Variants in IDI1 observed in about 807,000 individuals in gnomAD.
IDI1 encodes isopentenyl-diphosphate Delta-isomerase 1.
IDI1 carries 23 observed loss-of-function variants against 32.9 expected under a neutral mutation model. The ratio of observed to expected loss-of-function variants is 0.70; its 90% CI spans 0.50 to 0.99. The LOEUF is 0.99. Among genes scored for constraint, IDI1 ranks in the 50% least tolerant of loss-of-function variants. The pLI is 0.00. For missense variants in IDI1, 326 were observed against 351.9 expected, an observed-to-expected ratio of 0.93 and a Z score of 0.59; for synonymous variants, 133 against 128.2, an observed-to-expected ratio of 1.04 and a Z score of -0.25.
upstream of IDI1, among the ~76,000 whole-genome samples, chr10:1,049,387 G>A (rs1294021944): frequency 2.0e-5 from 3 of 152,068 alleles, no homozygotes; most frequent in African/African-American, 7.2e-5. Flanking sequence ...CGTCCCATGG[G>A]AGCGACCTCC....
At chr10:1,053,204 G>A (rs1432441201), upstream of IDI1, among the ~76,000 whole-genome samples, 1 of 152,206 alleles carries the variant, frequency 6.6e-6, no homozygotes, top group African/African-American at 2.4e-5. Flanking sequence ...GTTTCACCAT[G>A]TTGGCCAGGC....
the IDI1 span, among the ~76,000 whole-genome samples, chr10:1,055,004 C>G: frequency 6.6e-6 from 1 of 152,248 alleles, no homozygotes; most frequent in African/African-American, 2.4e-5. Context: ...CCCATCACAG[C>G]TCTCAGAAGG....
chr10:1,042,900 T>C (rs1832660951), intron 3 of IDI1, 138 bp from the exon 4 acceptor site: 1 of 710,794 alleles, frequency 1.4e-6, no homozygotes, highest in African/African-American at 1.9e-5. Context: ...CTATCAGTAA[T>C]TATTTTAAGG....
intron 4 of IDI1, among the ~76,000 whole-genome samples, chr10:1,041,717 G>A (rs1172541220): frequency 1.4e-5 from 2 of 146,896 alleles, no homozygotes; most frequent in African/African-American, 5.0e-5. Flanking sequence ...AAGTGTTTGC[G>A]TTTTTTTCCC....
At position 1,041,511 on chromosome 10, in the gene IDI1, C is replaced by T. The variant is rs1292764385; in HGVS notation, c.538-7G>A. The stretch of plus-strand genomic sequence containing the variant: ...TAATTTCTTCTGGAGGAACCTAAGA[C>T]ATTAAAAAAAAAAAAGTAATTAAAA... On this transcript the variant is annotated splice_region_variant and splice_polypyrimidine_tract_variant and intron_variant, in intron 4 of 4. Coordinates refer to ENST00000381344, the MANE Select transcript of IDI1 (RefSeq NM_004508.4). The T allele has an allele frequency of 2.9e-6, 4 of 1,401,560 alleles. No individual in the cohort carries two copies. Among genetic ancestry groups the T allele is most frequent in the Non-Finnish European group, 3.8e-6 (4 of 1,043,742 alleles). 86.8% of individuals were successfully genotyped at this position (1,401,560 alleles called of 1,614,324 possible).
Position 1,048,727 on chromosome 10 carries a change from C to G in IDI1, c.140+137G>C, listed in dbSNP as rs994700836. ...CCTCCAGTTCGGGAGACCAACGCCG[C>G]CACCCCCAGCTGTCCAGGCCTCCGC... On this transcript the variant is annotated intron_variant, in intron 1 of 4. Coordinates refer to ENST00000381344, the MANE Select transcript of IDI1 (RefSeq NM_004508.4). 6 of 1,432,284 alleles carry G rather than the reference C, an allele frequency of 4.2e-6. No homozygotes were observed. The African/African-American group carries it at 8.8e-5, about 21-fold the overall frequency. 88.7% of individuals were successfully genotyped at this position (1,432,284 alleles called of 1,614,324 possible). A position where few individuals can be genotyped will look rare whatever the true frequency, so the allele number is the denominator to read the frequency against.
chr10:1,045,839 C>A (rs926366893), intron 1 of IDI1, among the ~76,000 whole-genome samples: 3 of 150,902 alleles, frequency 2.0e-5, no homozygotes, highest in Non-Finnish European at 4.4e-5. Context: ...CTACTTAATA[C>A]AAAGTTCTAG....
upstream of IDI1, chr10:1,049,177 C>T: frequency 3.6e-6 from 4 of 1,108,418 alleles, no homozygotes; most frequent in Non-Finnish European, 4.8e-6. Context: ...ACCCCCAGTT[C>T]CGCAGAGGCA....
the IDI1 span, among the ~76,000 whole-genome samples, chr10:1,054,293 A>G: frequency 6.0e-4 from 91 of 152,238 alleles, 1 homozygote; most frequent in Non-Finnish European, 1.0e-3. Context: ...TGTGCCTGTT[A>G]CATGACATAT....
upstream of IDI1, among the ~76,000 whole-genome samples, chr10:1,054,090 G>C (rs1222489008): frequency 6.6e-6 from 1 of 152,172 alleles, no homozygotes; most frequent in Non-Finnish European, 1.5e-5. Context: ...ACTAATCACA[G>C]ATCACTATAA....
upstream of IDI1, among the ~76,000 whole-genome samples, chr10:1,054,085 T>C (rs1182820153): frequency 1.3e-5 from 2 of 152,194 alleles, no homozygotes; most frequent in Non-Finnish European, 1.5e-5. Flanking sequence ...AGATCACTAA[T>C]CACAGATCAC....
Position 1,041,470 on chromosome 10 carries a change from A to T in IDI1, c.572T>A (p.Ile191Asn). Residue 191 changes from isoleucine (I) to asparagine (N), a missense_variant, in exon 5 of 5, where the codon ATT (isoleucine) becomes AAT (asparagine). This residue lies in a region of IDI1 where 205 missense variants were observed against 273.5 expected (regional missense o/e 0.75). Coordinates refer to ENST00000381344, the MANE Select transcript of IDI1 (RefSeq NM_004508.4). ...ACCATCAGACTGAGCTTTGTAGTGA[A>T]TTCGTGTTAAATAATTAATTTCTTC... ...PPEEINYLTR[I>N]HYKAQSDGIW... 11 of 1,590,080 alleles carry T rather than the reference A, an allele frequency of 6.9e-6. No individual in the cohort carries two copies. Among genetic ancestry groups the T allele is most frequent in the Non-Finnish European group, 9.4e-6 (11 of 1,165,250 alleles).
At position 1,047,736 on chromosome 10, in the gene IDI1, A is replaced by T. The variant is rs1010408291; in HGVS notation, c.140+1128T>A. ...ACCTAACAATGAACTTCTCCAAAGT[A>T]TCCCTGTTAAGTGATGCGGGCCGAA... On this transcript the variant is annotated intron_variant, in intron 1 of 4. Transcript: ENST00000381344. Among the ~76,000 whole-genome samples the T allele has an allele frequency of 2.6e-5, 4 of 152,256 alleles. No homozygotes were observed. The East Asian group carries it at 7.7e-4, about 29-fold the overall frequency.
chr10:1,043,602 A>G (rs1301129194), intron 2 of IDI1: 1 of 678,560 alleles, frequency 1.5e-6, no homozygotes, highest in Non-Finnish European at 2.7e-6. Flanking sequence ...GGAAATGGTG[A>G]TGCTGGTGGC....
intron 1 of IDI1, among the ~76,000 whole-genome samples, chr10:1,045,275 T>TTTCTA (rs1435226448): frequency 6.6e-6 from 1 of 152,240 alleles, no homozygotes; most frequent in Non-Finnish European, 1.5e-5. Context: ...GCGTCTAAGC[T>TTTCTA]TTCTAATCTT....
chr10:1,041,809 C>CT (rs71297913), intron 4 of IDI1, among the ~76,000 whole-genome samples: 18,360 of 134,686 alleles, frequency 0.14, 1,629 homozygotes, highest in Non-Finnish European at 0.2. Context: ...TCTTTTTCTT[C>CT]TTTTTTTTTT....
At chr10:1,054,529 G>A in the IDI1 span, among the ~76,000 whole-genome samples, 1 of 152,198 alleles carries the variant, frequency 6.6e-6, no homozygotes, top group African/African-American at 2.4e-5. Context: ...CATGTATTTT[G>A]CATAGATGGA....
At chr10:1,055,870 G>C in the IDI1 span, among the ~76,000 whole-genome samples, 2 of 152,056 alleles carry the variant, frequency 1.3e-5, no homozygotes, top group Non-Finnish European at 2.9e-5. Flanking sequence ...GTGCAGAGGC[G>C]CGATCTCGGC....
rs762731531 is a variant in IDI1, at chr10:1,041,424, A to T, written c.618T>A (p.Ile206=). 1.3e-5 allele frequency: 21 copies of T among 1,610,464 alleles called. No homozygotes were observed. In the South Asian group the frequency reaches 2.3e-4, roughly 18 times the overall value. ...TCTTCCTCACCAACAAAATGTAATC[A>T]ATTTCATGTTCACCCCAGATACCAT... ...QSDGIWGEHE[I]DYILLVRKNV... Residue 206 remains isoleucine, a synonymous_variant, in exon 5 of 5, where the codon ATT becomes ATA. Transcript: ENST00000381344.
Sources: gnomAD v4.1 joint callset for allele counts (sites outside exome capture counted in the v4.1 genomes callset) on GRCh38, gnomAD v4.1.1 for gene constraint, gnomAD v4.1.1 regional missense constraint, MANE v1.5 for transcripts, NCBI Gene and HGNC (gene_info 2026-07-23, HGNC 2026-07-21) for gene names.